Variants in SORBS2 observed in about 807,000 individuals in gnomAD.
The protein encoded by SORBS2 is sorbin and SH3 domain containing 2.
Under a neutral mutation model 97.7 loss-of-function variants are expected in SORBS2, and 46 were observed. That is an observed-to-expected ratio of 0.47 (90% CI 0.37 to 0.60). The LOEUF (loss-of-function observed/expected upper bound fraction) is 0.60, where lower values mean the gene tolerates loss of function less well. SORBS2 is among the 20% of genes least tolerant of loss of function. SORBS2 has a pLI of 0.00. For missense variants in SORBS2, 1,316 were observed against 1,282.3 expected (o/e 1.03, Z -0.40); for synonymous variants, 476 against 473.4 (o/e 1.01, Z -0.07).
chr4:185,851,455 G>C (rs1019537274), intron 1 of SORBS2, among the ~76,000 whole-genome samples: 1 of 152,132 alleles, frequency 6.6e-6, no homozygotes, highest in Admixed American at 6.5e-5. Flanking sequence ...GAATAAGCAA[G>C]GGGTTGCACT....
intron 2 of SORBS2, among the ~76,000 whole-genome samples, chr4:185,746,330 T>C (rs2098760291): frequency 6.6e-6 from 1 of 152,150 alleles, no homozygotes. Context: ...TTTTTGTTCT[T>C]TTTTGACACA....
intron 4 of SORBS2, chr4:185,677,357 G>A (rs1582521426): frequency 6.4e-7 from 1 of 1,552,390 alleles, no homozygotes; most frequent in South Asian, 1.2e-5. Context: ...GGGTGTTGAT[G>A]TTAGCGAATG....
At chr4:185,881,324 A>C (rs946925086) in intron 1 of SORBS2, among the ~76,000 whole-genome samples, 1 of 152,220 alleles carries the variant, frequency 6.6e-6, no homozygotes, top group African/African-American at 2.4e-5. Context: ...AATATTTCTC[A>C]AAGAAGAAAC....
At chr4:185,951,989 T>C (rs565562709) in intron 1 of SORBS2, among the ~76,000 whole-genome samples, 1 of 152,030 alleles carries the variant, frequency 6.6e-6, no homozygotes, top group Non-Finnish European at 1.5e-5. Flanking sequence ...TGTAAAAAGA[T>C]GGCAGAATAT....
At chr4:185,668,888 AC>A (rs900373394) in intron 4 of SORBS2, among the ~76,000 whole-genome samples, 2 of 152,154 alleles carry the variant, frequency 1.3e-5, no homozygotes, top group African/African-American at 4.8e-5. Context: ...TCTTTCCCCA[AC>A]CCTTGAGCTA....
chr4:185,953,205 T>C (rs538509109), intron 1 of SORBS2, among the ~76,000 whole-genome samples: 2 of 152,294 alleles, frequency 1.3e-5, no homozygotes, highest in East Asian at 3.9e-4. Context: ...TCCCAGCTAC[T>C]AGGGAGGCTG....
intron 1 of SORBS2, among the ~76,000 whole-genome samples, chr4:185,943,127 G>A (rs1404677901): frequency 6.6e-6 from 1 of 152,160 alleles, no homozygotes; most frequent in Admixed American, 6.5e-5. Flanking sequence ...GGTGCTTCTA[G>A]GAGAAATAAT....
At chr4:185,925,829 C>A (rs1284143871) in intron 1 of SORBS2, among the ~76,000 whole-genome samples, 1 of 152,068 alleles carries the variant, frequency 6.6e-6, no homozygotes, top group Non-Finnish European at 1.5e-5. Flanking sequence ...ATATAGAGTC[C>A]GGGTGCAGGG....
At chr4:185,834,019 C>A (rs1372999721) in intron 1 of SORBS2, among the ~76,000 whole-genome samples, 1 of 152,092 alleles carries the variant, frequency 6.6e-6, no homozygotes, top group Non-Finnish European at 1.5e-5. Flanking sequence ...ATTGGAAATG[C>A]CAATTAATAG....
chr4:185,795,554 C>A (rs927364596), intron 1 of SORBS2, among the ~76,000 whole-genome samples: 1 of 152,020 alleles, frequency 6.6e-6, no homozygotes, highest in Non-Finnish European at 1.5e-5. Flanking sequence ...GCAAAATACA[C>A]ACAAGATGCG....
chr4:185,879,922 C>T (rs2099236026), intron 1 of SORBS2, among the ~76,000 whole-genome samples: 2 of 152,154 alleles, frequency 1.3e-5, no homozygotes, highest in Admixed American at 6.5e-5. Flanking sequence ...TCTACGAGAG[C>T]CACGGTGACA....
chr4:185,682,475 T>C (rs2097885634), intron 2 of SORBS2, among the ~76,000 whole-genome samples: 1 of 152,158 alleles, frequency 6.6e-6, no homozygotes, highest in Non-Finnish European at 1.5e-5. Flanking sequence ...AGGGGACAAA[T>C]AGGTGGTGAC....
At chr4:185,853,107 G>T (rs1387042969) in intron 1 of SORBS2, among the ~76,000 whole-genome samples, 1 of 152,126 alleles carries the variant, frequency 6.6e-6, no homozygotes, top group Non-Finnish European at 1.5e-5. Context: ...CATGTCTAGT[G>T]GTGACCCTGA....
chr4:185,817,461 C>A (rs183372044), intron 1 of SORBS2, among the ~76,000 whole-genome samples: 137 of 152,304 alleles, frequency 9.0e-4, no homozygotes, highest in African/African-American at 3.0e-3. Context: ...TGCTTTCATG[C>A]TCCTGTGAGG....
chr4:185,694,080 G>C (rs553237414), intron 2 of SORBS2, among the ~76,000 whole-genome samples: 1 of 152,156 alleles, frequency 6.6e-6, no homozygotes, highest in African/African-American at 2.4e-5. Context: ...ACCTGAAACC[G>C]AAAGGCTTCT....
chr4:185,861,750 C>A (rs771156669), intron 1 of SORBS2, among the ~76,000 whole-genome samples: 2 of 152,034 alleles, frequency 1.3e-5, no homozygotes, highest in African/African-American at 4.8e-5. Flanking sequence ...GGATTACAGG[C>A]ACCTGCCACT....
At chr4:185,922,735 T>C (rs1013840615) in intron 1 of SORBS2, among the ~76,000 whole-genome samples, 3 of 152,242 alleles carry the variant, frequency 2.0e-5, no homozygotes, top group Non-Finnish European at 2.9e-5. Context: ...CAGCAATTGT[T>C]ATAGTTCGCA....
chr4:185,735,502 ACT>A (rs1004149366), intron 2 of SORBS2, among the ~76,000 whole-genome samples: 1 of 150,816 alleles, frequency 6.6e-6, no homozygotes, highest in Non-Finnish European at 1.5e-5. Flanking sequence ...ACACACACAC[ACT>A]CACACACACA....
chr4:185,671,990 G>A (rs548184227), intron 4 of SORBS2, among the ~76,000 whole-genome samples: 2 of 152,298 alleles, frequency 1.3e-5, no homozygotes, highest in Admixed American at 6.5e-5. Flanking sequence ...ATATGCATGC[G>A]CATGCACAGA....
Sources: allele counts gnomAD v4.1 joint callset (sites outside exome capture counted in the v4.1 genomes callset), GRCh38; gene constraint gnomAD v4.1.1; transcripts MANE v1.5; gene names NCBI Gene and HGNC (gene_info 2026-07-23, HGNC 2026-07-21).